KAZN: variants seen among roughly 807,000 people sequenced by gnomAD.
KAZN encodes kazrin, periplakin interacting protein, also known as kazrin.
KAZN carries 40 observed loss-of-function variants against 87.4 expected under a neutral mutation model. The observed-to-expected ratio is 0.46, with a 90% CI of 0.36 to 0.60. KAZN has a LOEUF of 0.60. Ranked by LOEUF, KAZN falls within the 20% of genes least tolerant of loss-of-function variation. The pLI, the probability that KAZN is intolerant of heterozygous loss-of-function variation, is 0.00. For synonymous variants in KAZN, 466 were observed against 458.3 expected, an observed-to-expected ratio of 1.02 and a Z score of -0.22; for missense variants, 898 against 1,073.9, an observed-to-expected ratio of 0.84 and a Z score of 2.29.
At chr1:14,753,800 C>T (rs1005667608) in intron 1 of KAZN, among the ~76,000 whole-genome samples, 5 of 152,140 alleles carry the variant, frequency 3.3e-5, no homozygotes, top group African/African-American at 4.8e-5. Context: ...TGCATATGCC[C>T]AGTGGGCAAG....
intron 2 of KAZN, among the ~76,000 whole-genome samples, chr1:14,376,278 A>G (rs184611753): frequency 2.0e-4 from 30 of 152,230 alleles, no homozygotes; most frequent in Non-Finnish European, 4.0e-4. Context: ...TATGTCCCCC[A>G]AAGTTTATGT....
intron 1 of KAZN, among the ~76,000 whole-genome samples, chr1:14,812,342 T>C (rs1056719041): frequency 6.6e-6 from 1 of 152,166 alleles, no homozygotes; most frequent in South Asian, 2.1e-4. Flanking sequence ...ACAGTGCACA[T>C]CTTGAGCAAC....
intron 2 of KAZN, among the ~76,000 whole-genome samples, chr1:14,984,353 G>T (rs1666559888): frequency 6.6e-6 from 1 of 151,728 alleles, no homozygotes; most frequent in East Asian, 1.9e-4. Context: ...CTCCAGCCTG[G>T]GAAACAGGCA....
chr1:14,456,093 G>T (rs6690681), intron 2 of KAZN, among the ~76,000 whole-genome samples: 86,851 of 152,052 alleles, frequency 0.57, 25,544 homozygotes, highest in African/African-American at 0.7. Flanking sequence ...AATGCCTCAT[G>T]AAAAGTGCAT....
intron 1 of KAZN, among the ~76,000 whole-genome samples, chr1:14,922,660 C>G (rs1165401224): frequency 6.6e-6 from 1 of 152,036 alleles, no homozygotes; most frequent in African/African-American, 2.4e-5. Flanking sequence ...GGCATGGTGG[C>G]GGGCACCTGT....
intron 8 of KAZN, among the ~76,000 whole-genome samples, chr1:15,080,340 A>C (rs1339517577): frequency 2.0e-5 from 3 of 152,168 alleles, no homozygotes; most frequent in African/African-American, 7.2e-5. Flanking sequence ...GGGAGGTACC[A>C]CCACTGTTTT....
chr1:14,908,704 C>T (rs1317199661), intron 1 of KAZN, among the ~76,000 whole-genome samples: 2 of 151,722 alleles, frequency 1.3e-5, no homozygotes, highest in East Asian at 3.9e-4. Flanking sequence ...GTGACAGAGA[C>T]CAGACCCTGG....
chr1:15,020,848 G>GATGTGACTTGCCCCAGC, intron 2 of KAZN, among the ~76,000 whole-genome samples: 1 of 152,176 alleles, frequency 6.6e-6, no homozygotes, highest in East Asian at 1.9e-4. Context: ...CTTGCCCCAG[G>GATGTGACTTGCCCCAGC]TCCCCCCACA....
chr1:13,925,424 T>G (rs937619333), intron 1 of KAZN, among the ~76,000 whole-genome samples: 22 of 152,244 alleles, frequency 1.4e-4, no homozygotes, highest in African/African-American at 4.8e-4. Context: ...TATGGGTGGT[T>G]GGAAAAGGCC....
chr1:14,089,081 C>T (rs897708486), intron 1 of KAZN, among the ~76,000 whole-genome samples: 2 of 151,700 alleles, frequency 1.3e-5, no homozygotes, highest in Non-Finnish European at 2.9e-5. Context: ...TTCCATATTC[C>T]CTCTGCACCC....
At chr1:14,887,240 T>G (rs1160823196) in intron 1 of KAZN, among the ~76,000 whole-genome samples, 1 of 152,212 alleles carries the variant, frequency 6.6e-6, no homozygotes, top group African/African-American at 2.4e-5. Flanking sequence ...AGATTTTTTT[T>G]CCTAAACTGA....
At chr1:14,080,607 G>C (rs1236661735) in intron 1 of KAZN, among the ~76,000 whole-genome samples, 1 of 152,186 alleles carries the variant, frequency 6.6e-6, no homozygotes, top group Non-Finnish European at 1.5e-5. Context: ...TACTTCATTG[G>C]TCATTTTGAG....
At chr1:14,168,626 A>G (rs1310081383) in intron 1 of KAZN, among the ~76,000 whole-genome samples, 1 of 152,190 alleles carries the variant, frequency 6.6e-6, no homozygotes, top group African/African-American at 2.4e-5. Context: ...TGACTTGAGT[A>G]CAAAACTGGA....
In KAZN at chr1:15,013,714, A is replaced by G. The variant is rs367812160; in HGVS notation, c.419-21035A>G. ...AGGTTGAATGAGCTGAGATCGCACC[A>G]TTGCACTCCAACCTGGGCGAAAGAG... On this transcript the variant is annotated intron_variant, in intron 2 of 14. Coordinates refer to ENST00000376030, the MANE Select transcript of KAZN (RefSeq NM_201628.3). Among the ~76,000 whole-genome samples, 3 of 151,908 alleles carry G rather than the reference A, an allele frequency of 2.0e-5. No individual in the cohort carries two copies. In the East Asian group the frequency reaches 5.8e-4, roughly 29 times the overall value.
chr1:14,924,178 A>C (rs1221256909), intron 1 of KAZN: 1 of 981,104 alleles, frequency 1.0e-6, no homozygotes, highest in Non-Finnish European at 1.2e-6. Context: ...CGCGTGCAGC[A>C]GGCGCGGACC....
intron 1 of KAZN, among the ~76,000 whole-genome samples, chr1:14,133,286 G>C (rs181322944): frequency 1.4e-4 from 21 of 151,446 alleles, no homozygotes; most frequent in Admixed American, 1.4e-3. Flanking sequence ...AGAATGGCTT[G>C]GACCTGGGAG....
chr1:14,027,787 A>G (rs371395722), intron 1 of KAZN, among the ~76,000 whole-genome samples: 1 of 152,092 alleles, frequency 6.6e-6, no homozygotes, highest in East Asian at 1.9e-4. Flanking sequence ...CTCAATCGAT[A>G]TTTTTGTTAT....
chr1:14,667,908 A>C (rs760923882), intron 1 of KAZN, among the ~76,000 whole-genome samples: 1 of 152,182 alleles, frequency 6.6e-6, no homozygotes, highest in Non-Finnish European at 1.5e-5. Context: ...AACCGGAACA[A>C]AACCCAGATT....
Position 14,598,802 on chromosome 1 carries a change from C to A in KAZN, c.-196C>A. The stretch of plus-strand genomic sequence containing the variant: ...CCTCCCCCCGCCGCCTCGCCACCGC[C>A]GCGGCTAGGGCTGGAGGCGCCGCTG... On this transcript the variant is annotated 5_prime_UTR_variant, in exon 1 of 15. Coordinates refer to ENST00000376030, the MANE Select transcript of KAZN (RefSeq NM_201628.3). The surrounding 1 kb of genome is among the most constrained non-coding windows in gnomAD (Gnocchi z 4.2). 1 of 1,350,042 alleles carries A rather than the reference C, an allele frequency of 7.4e-7. No homozygotes were observed. The highest frequency in any genetic ancestry group is 9.5e-7 in the Non-Finnish European group (1 of 1,054,254). 83.6% of individuals were successfully genotyped at this position (1,350,042 alleles called of 1,614,324 possible).
Sources: gnomAD v4.1 joint callset for allele counts (sites outside exome capture counted in the v4.1 genomes callset) on GRCh38, gnomAD v4.1.1 for gene constraint, Gnocchi (gnomAD v3.1) non-coding constraint, MANE v1.5 for transcripts, NCBI Gene and HGNC (gene_info 2026-07-23, HGNC 2026-07-21) for gene names.